Variants in KIAA0930 observed in about 807,000 individuals in gnomAD.
KIAA0930 encodes uncharacterized protein KIAA0930.
KIAA0930 carries 24 observed loss-of-function variants against 43.9 expected under a neutral mutation model. That is an observed-to-expected ratio of 0.55 (90% CI 0.40 to 0.77). The LOEUF (loss-of-function observed/expected upper bound fraction) is 0.77, where lower values mean the gene tolerates loss of function less well. Ranked by LOEUF, KIAA0930 falls within the 30% of genes least tolerant of loss-of-function variation. The pLI, the probability that KIAA0930 is intolerant of heterozygous loss-of-function variation, is 0.00. For synonymous variants in KIAA0930, 259 were observed against 216.4 expected, an observed-to-expected ratio of 1.20 and a Z score of -1.73; for missense variants, 461 against 574.2, an observed-to-expected ratio of 0.80 and a Z score of 2.02.
At chr22:45,198,005 C>G in intron 8 of KIAA0930, 57 bp from the exon 9 acceptor site, 1 of 1,570,572 alleles carries the variant, frequency 6.4e-7, no homozygotes, top group Non-Finnish European at 8.7e-7. Context: ...GCGGGAGCAG[C>G]AGGAGGCCAG....
At chr22:45,232,094 C>A (rs544779276) in intron 1 of KIAA0930, among the ~76,000 whole-genome samples, 1 of 152,290 alleles carries the variant, frequency 6.6e-6, no homozygotes, top group Non-Finnish European at 1.5e-5. Context: ...AAGGGAGAAG[C>A]CTAGTCCAAG....
intron 1 of KIAA0930, among the ~76,000 whole-genome samples, chr22:45,222,003 G>C (rs1206658720): frequency 6.6e-6 from 1 of 152,148 alleles, no homozygotes; most frequent in African/African-American, 2.4e-5. Context: ...CAAAGTGCTG[G>C]GATTACAGGC....
At chr22:45,222,569 A>C (rs2083773668) in intron 1 of KIAA0930, among the ~76,000 whole-genome samples, 2 of 151,928 alleles carry the variant, frequency 1.3e-5, no homozygotes, top group Admixed American at 6.5e-5. Context: ...TTGGCCTCCC[A>C]AAGTGCTGGG....
At position 45,196,807 on chromosome 22, in the gene KIAA0930, C is replaced by G. The variant is rs2083539969; in HGVS notation, c.*369G>C. The G allele has an allele frequency of 4.2e-6, 1 of 238,182 alleles. No homozygotes were observed. Among genetic ancestry groups the G allele is most frequent in the South Asian group, 1.1e-4 (1 of 9,442 alleles). 14.8% of individuals were successfully genotyped at this position (238,182 alleles called of 1,614,324 possible). A position where few individuals can be genotyped will look rare whatever the true frequency, so the allele number is the denominator to read the frequency against. ...CCTGGCTGGGTGGTTCCGCCTGCTG[C>G]TGGGGGGACGTGAACATAGACCCGC... On this transcript the variant is annotated 3_prime_UTR_variant, in exon 10 of 10. Transcript: ENST00000336156. This position sits in a 1 kb window ranked among gnomAD's most constrained non-coding sequence, Gnocchi z 4.1.
At chr22:45,205,393 T>C (rs1199625395) in intron 4 of KIAA0930, 75 bp from the exon 5 acceptor site, 6 of 1,335,504 alleles carry the variant, frequency 4.5e-6, no homozygotes, top group Middle Eastern at 2.0e-4. Flanking sequence ...CAAGCCAGTA[T>C]AGGGAGGCCA....
At chr22:45,214,951 C>G (rs975301866) in intron 1 of KIAA0930, among the ~76,000 whole-genome samples, 2 of 151,634 alleles carry the variant, frequency 1.3e-5, no homozygotes, top group African/African-American at 4.9e-5. Context: ...GGTGCAGTGG[C>G]TCACACCTGT....
Position 45,203,199 on chromosome 22 carries a change from G to A in KIAA0930, c.658-15C>T, listed in dbSNP as rs367567519. ...GCCACGCTCACCTGGGGGCCGGCGC[G>A]GGGCAGCCTGAGTCAGGGAGGTGGC... is the stretch of plus-strand genomic sequence containing the variant. On this transcript the variant is annotated splice_polypyrimidine_tract_variant and intron_variant, in intron 6 of 9. Transcript: ENST00000336156. 2.8e-5 allele frequency: 44 copies of A among 1,576,170 alleles called. 1 individual carries two copies. The highest frequency in any genetic ancestry group is 1.5e-4 in the South Asian group (13 of 85,268).
At chr22:45,218,418 A>T (rs1197163439) in intron 1 of KIAA0930, among the ~76,000 whole-genome samples, 1 of 129,854 alleles carries the variant, frequency 7.7e-6, no homozygotes, top group Non-Finnish European at 1.5e-5. Context: ...TCCTGACCTC[A>T]GGTGATCCAC....
chr22:45,205,006 TAC>T (rs1249862731), intron 5 of KIAA0930, among the ~76,000 whole-genome samples: 3 of 152,122 alleles, frequency 2.0e-5, no homozygotes, highest in Admixed American at 1.3e-4. Flanking sequence ...ACACTGATTT[TAC>T]AGAGGAGGAA....
chr22:45,209,022 G>A (rs2083667543), intron 2 of KIAA0930, among the ~76,000 whole-genome samples: 1 of 152,224 alleles, frequency 6.6e-6, no homozygotes, highest in African/African-American at 2.4e-5. Context: ...CAGGGCTGGA[G>A]GAAACAGAGG....
At chr22:45,202,451 A>ACGCCTCTCCTGCAGCAGAAC (rs2083597011) in intron 7 of KIAA0930, 1 of 152,928 alleles carries the variant, frequency 6.5e-6, no homozygotes, top group African/African-American at 2.4e-5. Flanking sequence ...CGAGGCAGGA[A>ACGCCTCTCCTGCAGCAGAAC]CGCCTCTCCT....
At chr22:45,216,586 A>C (rs2083733963) in intron 1 of KIAA0930, among the ~76,000 whole-genome samples, 1 of 151,590 alleles carries the variant, frequency 6.6e-6, no homozygotes, top group Non-Finnish European at 1.5e-5. Flanking sequence ...GTCACTGCTG[A>C]CTCTTTCTCC....
chr22:45,224,854 G>C (rs908789556), intron 1 of KIAA0930, among the ~76,000 whole-genome samples: 1 of 152,144 alleles, frequency 6.6e-6, no homozygotes, highest in Non-Finnish European at 1.5e-5. Flanking sequence ...GAGGGGCCGG[G>C]CCCTCTTCCC....
chr22:45,225,959 C>G (rs1450036240), intron 1 of KIAA0930, among the ~76,000 whole-genome samples: 2 of 152,276 alleles, frequency 1.3e-5, no homozygotes, highest in African/African-American at 2.4e-5. Context: ...CAAAGCCACG[C>G]TCCTGGCTCC....
chr22:45,217,601 C>T (rs968248606), intron 1 of KIAA0930, among the ~76,000 whole-genome samples: 1 of 152,128 alleles, frequency 6.6e-6, no homozygotes, highest in Non-Finnish European at 1.5e-5. Context: ...ACTAACTAGA[C>T]TGCAAAAAGG....
chr22:45,220,429 C>A (rs2083760506), intron 1 of KIAA0930, among the ~76,000 whole-genome samples: 1 of 151,568 alleles, frequency 6.6e-6, no homozygotes. Flanking sequence ...AGCCTGGCGA[C>A]AGAGACTCAG....
chr22:45,205,779 A>ACCCCCC lies in KIAA0930; in HGVS notation c.336+13_336+14insGGGGGG. 3 of 339,734 alleles carry ACCCCCC rather than the reference A, an allele frequency of 8.8e-6. No individual in the cohort carries two copies. Among genetic ancestry groups the ACCCCCC allele is most frequent in the South Asian group, 3.0e-5 (1 of 33,304 alleles). The allele number at this position is 339,734 out of a possible 1,614,324, so 21.0% of individuals were successfully genotyped here. On this transcript the variant is annotated intron_variant, in intron 3 of 9. Coordinates refer to ENST00000336156, the MANE Select transcript of KIAA0930 (RefSeq NM_001009880.2). The stretch of plus-strand genomic sequence containing the variant: ...ACAGGGCCAATCCGCAGCCCCACCC[A>ACCCCCC]TCCCACCCCATACCTTCTGCAGGAT...
At chr22:45,200,139 A>G in intron 7 of KIAA0930, 104 bp from the exon 8 acceptor site, 3 of 1,211,582 alleles carry the variant, frequency 2.5e-6, no homozygotes, top group Non-Finnish European at 3.3e-6. Context: ...CACAGCTCCC[A>G]GGGAAGAGGC....
chr22:45,214,388 A>C (rs572270187), intron 1 of KIAA0930, among the ~76,000 whole-genome samples: 24 of 152,366 alleles, frequency 1.6e-4, no homozygotes, highest in Non-Finnish European at 2.9e-5. Context: ...CACACATGTC[A>C]CAATAAAAAC....
Sources: allele counts gnomAD v4.1 joint callset (sites outside exome capture counted in the v4.1 genomes callset), GRCh38; gene constraint gnomAD v4.1.1; non-coding constraint Gnocchi (gnomAD v3.1); transcripts MANE v1.5; gene names NCBI Gene and HGNC (gene_info 2026-07-23, HGNC 2026-07-21).